The following LRMDA variants were observed in gnomAD, a reference collection of about 807,000 sequenced individuals.
LRMDA encodes leucine rich melanocyte differentiation associated.
LRMDA carries 18 observed loss-of-function variants against 29.8 expected under a neutral mutation model. The ratio of observed to expected loss-of-function variants is 0.60; its 90% CI spans 0.42 to 0.90. The LOEUF is 0.90. Among genes scored for constraint, LRMDA ranks in the 40% least tolerant of loss-of-function variants. The pLI, the probability that LRMDA is intolerant of heterozygous loss-of-function variation, is 0.00. For synonymous variants in LRMDA, 125 were observed against 109.4 expected (o/e 1.14, Z -0.89); for missense variants, 273 against 273.9 (o/e 1.00, Z 0.02).
chr10:75,604,549 G>A (rs1840931553), intron 2 of LRMDA, among the ~76,000 whole-genome samples: 1 of 152,144 alleles, frequency 6.6e-6, no homozygotes, highest in Non-Finnish European at 1.5e-5. Flanking sequence ...ACTGAAATGA[G>A]CTATGTTGCT....
chr10:76,289,640 T>G (rs1436493790), intron 5 of LRMDA, among the ~76,000 whole-genome samples: 2 of 152,200 alleles, frequency 1.3e-5, no homozygotes, highest in African/African-American at 4.8e-5. Flanking sequence ...AGGAATACAT[T>G]TATGTGTACG....
intron 5 of LRMDA, among the ~76,000 whole-genome samples, chr10:76,269,531 T>C (rs565507803): frequency 6.6e-6 from 1 of 152,228 alleles, no homozygotes; most frequent in South Asian, 2.1e-4. Context: ...TGGAAGAGGA[T>C]GTCTATAGAT....
Position 76,557,354 on chromosome 10 carries a change from G to T in LRMDA, c.*66G>T, listed in dbSNP as rs1001996876. ...AATCAAAAGGGAAATCAAAAATAAA[G>T]AAAACGCTAAAGAAAAAACAATAGC... is the stretch of plus-strand genomic sequence containing the variant. On this transcript the variant is annotated 3_prime_UTR_variant, in exon 7 of 7. Coordinates refer to ENST00000611255, the MANE Select transcript of LRMDA (RefSeq NM_001305581.2). The T allele has an allele frequency of 9.0e-6, 12 of 1,338,586 alleles. No individual in the cohort carries two copies. Among genetic ancestry groups the T allele is most frequent in the Admixed American group, 1.8e-5 (1 of 56,246 alleles). The allele number at this position is 1,338,586 out of a possible 1,614,324, so 82.9% of individuals were successfully genotyped here.
At chr10:76,164,702 TG>T (rs1443667583) in intron 5 of LRMDA, among the ~76,000 whole-genome samples, 4 of 152,230 alleles carry the variant, frequency 2.6e-5, no homozygotes, top group Non-Finnish European at 5.9e-5. Flanking sequence ...ACAATACTTT[TG>T]TGTTTATATT....
chr10:75,727,204 G>T (rs1026017137), intron 2 of LRMDA, among the ~76,000 whole-genome samples: 2 of 152,046 alleles, frequency 1.3e-5, no homozygotes, highest in African/African-American at 2.4e-5. Context: ...TCTTCTCTGC[G>T]GTGATGCTGT....
chr10:76,463,885 C>T (rs1476751496), intron 6 of LRMDA, among the ~76,000 whole-genome samples: 3 of 150,852 alleles, frequency 2.0e-5, no homozygotes, highest in African/African-American at 7.3e-5. Flanking sequence ...ACTAGTCAGT[C>T]CAGTGCCTGG....
intron 6 of LRMDA, among the ~76,000 whole-genome samples, chr10:76,373,379 AT>A: frequency 6.6e-6 from 1 of 152,268 alleles, no homozygotes; most frequent in African/African-American, 2.4e-5. Flanking sequence ...ACAGCAAAAA[AT>A]AAAAGATAAG....
intron 5 of LRMDA, among the ~76,000 whole-genome samples, chr10:76,179,629 C>T (rs916424480): frequency 1.3e-5 from 2 of 152,186 alleles, no homozygotes; most frequent in African/African-American, 4.8e-5. Context: ...TTCCACACTG[C>T]AGCATAGGGA....
chr10:76,102,570 T>C (rs1257498282), intron 5 of LRMDA, among the ~76,000 whole-genome samples: 1 of 152,228 alleles, frequency 6.6e-6, no homozygotes, highest in African/African-American at 2.4e-5. Context: ...TAATCTCATT[T>C]GTTTTAATGG....
intron 5 of LRMDA, among the ~76,000 whole-genome samples, chr10:76,072,130 C>T (rs1358510307): frequency 7.9e-5 from 12 of 152,252 alleles, no homozygotes; most frequent in African/African-American, 1.7e-4. Flanking sequence ...GTTTATCAGA[C>T]GTTGTTTACC....
At chr10:75,494,080 C>A (rs1845018816) in intron 2 of LRMDA, among the ~76,000 whole-genome samples, 1 of 152,156 alleles carries the variant, frequency 6.6e-6, no homozygotes, top group South Asian at 2.1e-4. Context: ...AGCATCAATT[C>A]TCTCTCTAAA....
At chr10:75,812,677 A>AT (rs1263524981) in intron 2 of LRMDA, among the ~76,000 whole-genome samples, 4 of 152,052 alleles carry the variant, frequency 2.6e-5, no homozygotes, top group Admixed American at 6.6e-5. Context: ...TAGAATCCAT[A>AT]TTTTGTCTGT....
chr10:75,753,507 G>A (rs1842991397), intron 2 of LRMDA, among the ~76,000 whole-genome samples: 1 of 152,162 alleles, frequency 6.6e-6, no homozygotes, highest in African/African-American at 2.4e-5. Flanking sequence ...TCAGAAGTGT[G>A]TGTGGGTGGA....
At chr10:76,144,758 C>A (rs1433380009) in intron 5 of LRMDA, among the ~76,000 whole-genome samples, 2 of 152,062 alleles carry the variant, frequency 1.3e-5, no homozygotes, top group Non-Finnish European at 2.9e-5. Flanking sequence ...AGAGGGCATC[C>A]CTGTCTTGTG....
intron 6 of LRMDA, among the ~76,000 whole-genome samples, chr10:76,530,786 A>C (rs569302453): frequency 6.6e-6 from 1 of 152,342 alleles, no homozygotes; most frequent in African/African-American, 2.4e-5. Flanking sequence ...ATTCCATGAA[A>C]GAATTCCATA....
rs1206269753 is a variant in LRMDA at position 75,690,990 on chromosome 10, TATATAC to T, written c.131+252498_131+252503del. 4.9e-4 allele frequency among the ~76,000 whole-genome samples: 45 copies of T among 92,022 alleles called. No individual in the cohort carries two copies. The East Asian group carries it at 0.015, about 31-fold the overall frequency. 60.4% of individuals were successfully genotyped at this position (92,022 alleles called of 152,430 possible). ...CTCTTAAAAAAAAAATATATATATA[TATATAC>T]ACACACACACACACACACACACACA... On this transcript the variant is annotated intron_variant, in intron 2 of 6. Coordinates refer to ENST00000611255, the MANE Select transcript of LRMDA (RefSeq NM_001305581.2).
intron 6 of LRMDA, among the ~76,000 whole-genome samples, chr10:76,401,220 G>A (rs1359905238): frequency 6.6e-6 from 1 of 151,914 alleles, no homozygotes; most frequent in Non-Finnish European, 1.5e-5. Context: ...ATGCTCCAGT[G>A]ACTCAATGGA....
intron 2 of LRMDA, among the ~76,000 whole-genome samples, chr10:76,012,160 A>C (rs1314132696): frequency 3.3e-5 from 5 of 152,228 alleles, no homozygotes; most frequent in Non-Finnish European, 5.9e-5. Context: ...CCTGCTGTCA[A>C]CATTGGGCTT....
chr10:76,441,620 G>C (rs1003669420), intron 6 of LRMDA, among the ~76,000 whole-genome samples: 1 of 152,166 alleles, frequency 6.6e-6, no homozygotes, highest in African/African-American at 2.4e-5. Flanking sequence ...GTACCAGAAT[G>C]TGTTTGGAAT....
Sources: allele counts gnomAD v4.1 joint callset (sites outside exome capture counted in the v4.1 genomes callset), GRCh38; gene constraint gnomAD v4.1.1; transcripts MANE v1.5; gene names NCBI Gene and HGNC (gene_info 2026-07-23, HGNC 2026-07-21).